The following SNPH variants were observed in gnomAD, a reference collection of about 807,000 sequenced individuals.
SNPH encodes syntaphilin.
SNPH carries 10 observed loss-of-function variants against 36.8 expected under a neutral mutation model. The ratio of observed to expected loss-of-function variants is 0.27; its 90% CI spans 0.17 to 0.46. SNPH has a LOEUF of 0.46. SNPH is among the 20% of genes least tolerant of loss of function. SNPH has a pLI of 1.00. For synonymous variants in SNPH, 281 were observed against 312.2 expected, an observed-to-expected ratio of 0.90 and a Z score of 1.05; for missense variants, 622 against 744.0, an observed-to-expected ratio of 0.84 and a Z score of 1.91.
chr20:1,296,544 T>A, intron 4 of SNPH, 123 bp downstream of exon 4: 3 of 821,804 alleles, frequency 3.7e-6, no homozygotes, highest in East Asian at 3.0e-5. Flanking sequence ...TTCCCATCTT[T>A]AAAATGAGCT....
intron 2 of SNPH, among the ~76,000 whole-genome samples, chr20:1,275,472 A>G (rs2088121317): frequency 6.6e-6 from 1 of 152,184 alleles, no homozygotes; most frequent in African/African-American, 2.4e-5. Flanking sequence ...ACCTTATAGC[A>G]TCTTCCTGAC....
At position 1,305,898 on chromosome 20, in the gene SNPH, T is replaced by C; in HGVS notation, c.1461T>C (p.Leu487=). ...CGGCCGTGCCCACGGTGGCCTGGCT[T>C]TGCCGCTCCCAGCGGCGCCAGGGCC... ...VVPAVPTVAW[L]CRSQRRQGQP... Residue 487 remains leucine, a synonymous_variant, in exon 7 of 7, where the codon CTT becomes CTC. Coordinates refer to ENST00000381867, the MANE Select transcript of SNPH (RefSeq NM_001318234.2). 6.3e-7 allele frequency: 1 copy of C among 1,599,118 alleles called. No individual in the cohort carries two copies. Among genetic ancestry groups the C allele is most frequent in the East Asian group, 2.3e-5 (1 of 44,302 alleles).
intron 6 of SNPH, among the ~76,000 whole-genome samples, chr20:1,301,638 C>T (rs920884067): frequency 2.7e-5 from 4 of 149,434 alleles, no homozygotes; most frequent in Admixed American, 2.6e-4. Flanking sequence ...TATCTAATTT[C>T]ATAAATATTT....
At chr20:1,267,214 C>T (rs1265823897) in intron 2 of SNPH, among the ~76,000 whole-genome samples, 1 of 151,614 alleles carries the variant, frequency 6.6e-6, no homozygotes, top group Non-Finnish European at 1.5e-5. Flanking sequence ...CATCAGGGCC[C>T]TGCAGTAGAT....
In SNPH at chr20:1,296,035, G is replaced by A. The variant is rs1320028550; in HGVS notation, c.-205G>A. ...CTGAAGCCTCTGTGACCTTGGGCACGGCCTTCACTCTGTCTGGGGCACATT... is the reference window on the plus strand; with the variant it reads ...CTGAAGCCTCTGTGACCTTGGGCACAGCCTTCACTCTGTCTGGGGCACATT... On this transcript the variant is annotated 5_prime_UTR_variant, in exon 4 of 7. Transcript: ENST00000381867. 1.2e-5 allele frequency: 6 copies of A among 491,054 alleles called. No homozygotes were observed. Among genetic ancestry groups the A allele is most frequent in the South Asian group, 7.5e-5 (2 of 26,716 alleles). 30.4% of individuals were successfully genotyped at this position (491,054 alleles called of 1,614,324 possible).
In SNPH at chr20:1,301,144, A is replaced by G. The variant is rs116196632; in HGVS notation, c.440+433A>G. 7.4e-3 allele frequency among the ~76,000 whole-genome samples: 1,130 copies of G among 152,328 alleles called. 17 individuals are homozygous for G. The highest frequency in any genetic ancestry group is 0.026 in the African/African-American group (1,068 of 41,564). ...CTCGCTTCCTCCTGAGTGAGTCACC[A>G]GAGGGCTTGTGGCCAACCTCGACTT... On this transcript the variant is annotated intron_variant, in intron 6 of 6. Transcript: ENST00000381867.
rs145237357 is a variant in SNPH, at chr20:1,296,331, G to A, written c.92G>A (p.Gly31Glu). ...ACCCGCCCTCTCTCCTCAGCCCCCG[G>A]GATACCGCCCATCCCACCCCTTACT... ...PPTRPLSSAP[G>E]IPPIPPLTRT... Residue 31 changes from glycine to glutamate, a missense_variant, in exon 4 of 7, where the codon GGG becomes GAG. Gly to Glu is a moderately conservative substitution (Grantham distance 98). Around this residue, in one of 3 missense-constraint regions of SNPH, gnomAD observed 187 missense variants for 209.4 expected, o/e 0.89. Transcript: ENST00000381867. The A allele has an allele frequency of 9.2e-4, 1,464 of 1,596,948 alleles. 5 individuals carry two copies. Among genetic ancestry groups the A allele is most frequent in the South Asian group, 1.5e-3 (137 of 89,016 alleles).
At chr20:1,268,290 C>G (rs546219693) in intron 2 of SNPH, among the ~76,000 whole-genome samples, 1 of 152,310 alleles carries the variant, frequency 6.6e-6, no homozygotes, top group South Asian at 2.1e-4. Flanking sequence ...GGAACAGAAG[C>G]AGCAGATTCT....
intron 5 of SNPH, 56 bp downstream of exon 5, chr20:1,297,308 G>A (rs1600260907): frequency 1.9e-6 from 3 of 1,555,872 alleles, no homozygotes; most frequent in East Asian, 4.7e-5. Flanking sequence ...AGGTTGTCCT[G>A]GGGTGGGAGA....
At position 1,304,605 on chromosome 20, in the gene SNPH, G is replaced by T. The variant is rs138688297; in HGVS notation, c.441-273G>T. Among the ~76,000 whole-genome samples the T allele has an allele frequency of 5.0e-3, 760 of 152,064 alleles. 9 individuals carry two copies. The highest frequency in any genetic ancestry group is 0.017 in the African/African-American group (716 of 41,452). On this transcript the variant is annotated intron_variant, in intron 6 of 6. Transcript: ENST00000381867. This position sits in a 1 kb window ranked among gnomAD's most constrained non-coding sequence, Gnocchi z 4.3. The stretch of plus-strand genomic sequence containing the variant: ...GTCGGCATTCTGGGGGTGGTGGGGT[G>T]GGGGAGGGAATGCGAGTGGTGTCTC...
intron 4 of SNPH, among the ~76,000 whole-genome samples, chr20:1,296,881 G>T (rs1258780572): frequency 2.0e-5 from 3 of 152,328 alleles, no homozygotes; most frequent in South Asian, 4.1e-4. Flanking sequence ...AGCATATGAG[G>T]CCCCACCCTT....
At chr20:1,287,064 A>C (rs2088292090) in intron 2 of SNPH, among the ~76,000 whole-genome samples, 1 of 152,156 alleles carries the variant, frequency 6.6e-6, no homozygotes, top group Non-Finnish European at 1.5e-5. Flanking sequence ...AACCCCATGC[A>C]AAAGTGTTCC....
Position 1,305,026 on chromosome 20 carries a change from A to C in SNPH, c.589A>C (p.Lys197Gln), listed in dbSNP as rs1274885169. The C allele has an allele frequency of 6.2e-7, 1 of 1,614,104 alleles. No homozygotes were observed. Among genetic ancestry groups the C allele is most frequent in the Non-Finnish European group, 8.5e-7 (1 of 1,180,042 alleles). The change falls in exon 7 of 7, where the codon AAG becomes CAG. Residue 197 changes from lysine (K) to glutamine (Q), a missense_variant. Physicochemically the swap from Lys to Gln is moderately conservative, Grantham distance 53. Around this residue, in one of 3 missense-constraint regions of SNPH, gnomAD observed 56 missense variants for 106.6 expected, o/e 0.53. Coordinates refer to ENST00000381867, the MANE Select transcript of SNPH (RefSeq NM_001318234.2). ...KQLKQVIDTV[K>Q]NNLIDKDKGL... ...GCTCAAGCAGGTCATCGACACTGTC[A>C]AGAACAACCTGATTGACAAGGACAA...
intron 2 of SNPH, among the ~76,000 whole-genome samples, chr20:1,282,772 G>T (rs6109269): frequency 6.6e-6 from 1 of 152,184 alleles, no homozygotes; most frequent in Admixed American, 6.5e-5. Flanking sequence ...GTGTGTGCCA[G>T]GCTCTTTGCA....
chr20:1,294,957 T>C lies in SNPH; in HGVS notation c.-486T>C, dbSNP rs1259304895. The C allele has an allele frequency of 1.3e-5, 2 of 152,578 alleles. No individual in the cohort carries two copies. The highest frequency in any genetic ancestry group is 3.9e-4 in the East Asian group (2 of 5,146). 9.5% of individuals were successfully genotyped at this position (152,578 alleles called of 1,614,324 possible). Reference sequence around the variant, plus strand: ...TCACAGCACTTCCTCATAGGGTTGTTGAGAGGAGTCAATGGCATAATGTAC... The same window carrying C: ...TCACAGCACTTCCTCATAGGGTTGTCGAGAGGAGTCAATGGCATAATGTAC... On this transcript the variant is annotated 5_prime_UTR_variant, in exon 3 of 7. Transcript: ENST00000381867. This position sits in a 1 kb window ranked among gnomAD's most constrained non-coding sequence, Gnocchi z 4.4.
chr20:1,298,804 TTGTGTGTGTGTG>T (rs3038999), intron 5 of SNPH, among the ~76,000 whole-genome samples: 31,905 of 141,166 alleles, frequency 0.23, 3,863 homozygotes, highest in Non-Finnish European at 0.28. Context: ...TTTTTCTAAT[TTGTGTGTGTGTG>T]TGTGTGTGTG....
rs750221003 is a variant in SNPH at position 1,305,438 on chromosome 20, G to C, written c.1001G>C (p.Ser334Thr). The part of the protein sequence containing the change: ...SFGLGPRFPA[S>T]NTYEKLLCGM... The stretch of plus-strand genomic sequence containing the variant: ...GGCCTGGGCCCCCGCTTCCCTGCCA[G>C]CAACACCTATGAGAAGCTGCTGTGT... The change falls in exon 7 of 7, where the codon AGC (serine) becomes ACC (threonine). Residue 334 changes from serine (S) to threonine (T), a missense_variant. Transcript: ENST00000381867. The C allele has an allele frequency of 6.2e-7, 1 of 1,613,232 alleles. No homozygotes were observed. Among genetic ancestry groups the C allele is most frequent in the Non-Finnish European group, 8.5e-7 (1 of 1,180,052 alleles).
intron 2 of SNPH, among the ~76,000 whole-genome samples, chr20:1,290,997 A>T (rs2088354035): frequency 6.6e-6 from 1 of 152,244 alleles, no homozygotes; most frequent in Non-Finnish European, 1.5e-5. Context: ...CATATGTAAA[A>T]CACATACGAG....
chr20:1,277,760 TGTCA>T (rs2088158081), intron 2 of SNPH, among the ~76,000 whole-genome samples: 1 of 149,544 alleles, frequency 6.7e-6, no homozygotes, highest in African/African-American at 2.5e-5. Flanking sequence ...TGTGTGTGTG[TGTCA>T]GTGTCTGTCT....
Sources: allele counts gnomAD v4.1 joint callset (sites outside exome capture counted in the v4.1 genomes callset), GRCh38; gene constraint gnomAD v4.1.1; regional missense constraint gnomAD v4.1.1; non-coding constraint Gnocchi (gnomAD v3.1); transcripts MANE v1.5; gene names NCBI Gene and HGNC (gene_info 2026-07-23, HGNC 2026-07-21).